ADAMTS6: variants seen among roughly 807,000 people sequenced by gnomAD.
ADAMTS6 encodes ADAM metallopeptidase with thrombospondin type 1 motif 6.
ADAMTS6 carries 23 observed loss-of-function variants against 144.3 expected under a neutral mutation model. That is an observed-to-expected ratio of 0.16 (90% CI 0.11 to 0.23). ADAMTS6 has a LOEUF of 0.23. Ranked by LOEUF, ADAMTS6 falls within the 10% of genes least tolerant of loss-of-function variation. ADAMTS6 has a pLI of 1.00. For synonymous variants in ADAMTS6, 444 were observed against 457.5 expected (o/e 0.97, Z 0.38); for missense variants, 999 against 1,379.6 (o/e 0.72, Z 4.37).
Position 65,210,617 on chromosome 5 carries a change from C to T in ADAMTS6, c.2575+4177G>A, listed in dbSNP as rs1756458097. ...AAAGTTTTTGGCACCCCAAAGGAAG[C>T]TATGGATGGAGGCTTGTCTATCCCT... is the stretch of plus-strand genomic sequence containing the variant. On this transcript the variant is annotated intron_variant, in intron 20 of 24. Transcript: ENST00000381055. 4.9e-6 allele frequency: 3 copies of T among 613,274 alleles called. No homozygotes were observed. In the East Asian group the frequency reaches 1.1e-4, roughly 22 times the overall value. 38.0% of individuals were successfully genotyped at this position (613,274 alleles called of 1,614,324 possible). A position where few individuals can be genotyped will look rare whatever the true frequency, so the allele number is the denominator to read the frequency against.
At chr5:65,337,756 A>C (rs1392241074) in intron 7 of ADAMTS6, among the ~76,000 whole-genome samples, 1 of 152,072 alleles carries the variant, frequency 6.6e-6, no homozygotes, top group African/African-American at 2.4e-5. Context: ...TATTCACTCT[A>C]CATCCCATCA....
chr5:65,441,246 A>G (rs1307887263), intron 7 of ADAMTS6, among the ~76,000 whole-genome samples: 1 of 152,196 alleles, frequency 6.6e-6, no homozygotes, highest in Non-Finnish European at 1.5e-5. Flanking sequence ...TGTAGAAAAA[A>G]GTCACCTTGA....
intron 7 of ADAMTS6, among the ~76,000 whole-genome samples, chr5:65,412,710 A>C (rs930882447): frequency 1.3e-5 from 2 of 152,160 alleles, no homozygotes; most frequent in African/African-American, 4.8e-5. Context: ...GTCAAAAACA[A>C]AATGCTTATG....
At chr5:65,152,600 A>G (rs546893267) in intron 24 of ADAMTS6, among the ~76,000 whole-genome samples, 1 of 152,222 alleles carries the variant, frequency 6.6e-6, no homozygotes, top group African/African-American at 2.4e-5. Context: ...CTTTTTTCCT[A>G]TGTGTATTTT....
At chr5:65,262,730 GT>G in intron 13 of ADAMTS6, 86 bp downstream of exon 13, 2 of 1,396,742 alleles carry the variant, frequency 1.4e-6, no homozygotes, top group South Asian at 1.7e-5. Flanking sequence ...CTAGCGAAAC[GT>G]TTTTACAGAT....
At chr5:65,379,434 A>T (rs1165365848) in intron 7 of ADAMTS6, among the ~76,000 whole-genome samples, 1 of 152,252 alleles carries the variant, frequency 6.6e-6, no homozygotes, top group African/African-American at 2.4e-5. Context: ...CATGAGATGT[A>T]CAGAGTGTCA....
intron 2 of ADAMTS6, among the ~76,000 whole-genome samples, chr5:65,472,319 A>G (rs1472069214): frequency 6.6e-6 from 1 of 152,156 alleles, no homozygotes. Flanking sequence ...TAAGAAGTAT[A>G]GGCTTCTTTT....
At chr5:65,466,923 T>C (rs1173325623) in intron 3 of ADAMTS6, among the ~76,000 whole-genome samples, 1 of 151,570 alleles carries the variant, frequency 6.6e-6, no homozygotes, top group Non-Finnish European at 1.5e-5. Flanking sequence ...GAGCCTGTAG[T>C]CCCAGCTACT....
chr5:65,370,716 C>T (rs1458488806), intron 7 of ADAMTS6, among the ~76,000 whole-genome samples: 1 of 152,186 alleles, frequency 6.6e-6, no homozygotes, highest in Non-Finnish European at 1.5e-5. Flanking sequence ...CCACCATTGC[C>T]CAGGCTTGCT....
chr5:65,250,998 T>C (rs1760110278), intron 14 of ADAMTS6: 1 of 152,222 alleles, frequency 6.6e-6, no homozygotes, highest in Non-Finnish European at 1.5e-5. Flanking sequence ...TCAATTTGTA[T>C]CCTCTTAGAA....
chr5:65,394,817 TAC>T (rs956377507), intron 7 of ADAMTS6, among the ~76,000 whole-genome samples: 1 of 152,190 alleles, frequency 6.6e-6, no homozygotes, highest in African/African-American at 2.4e-5. Context: ...CCTCCAAACT[TAC>T]AGAGTCTTAG....
chr5:65,345,196 C>T (rs564487836), intron 7 of ADAMTS6, among the ~76,000 whole-genome samples: 9 of 151,844 alleles, frequency 5.9e-5, no homozygotes, highest in Non-Finnish European at 1.0e-4. Flanking sequence ...AATCCATTCT[C>T]AATATCCTTA....
At chr5:65,292,841 TCTAA>T (rs538242380) in intron 10 of ADAMTS6, among the ~76,000 whole-genome samples, 2,295 of 152,164 alleles carry the variant, frequency 0.015, 52 homozygotes, top group African/African-American at 0.052. Flanking sequence ...GCTCAAGGTA[TCTAA>T]CTAACTAACT....
chr5:65,238,371 G>T (rs925391298), intron 15 of ADAMTS6, among the ~76,000 whole-genome samples: 2 of 152,120 alleles, frequency 1.3e-5, no homozygotes, highest in African/African-American at 4.8e-5. Context: ...GGGAGGTCGA[G>T]TCATGTGGAT....
At chr5:65,470,093 A>G (rs1760317912) in intron 3 of ADAMTS6, among the ~76,000 whole-genome samples, 2 of 152,024 alleles carry the variant, frequency 1.3e-5, no homozygotes, top group African/African-American at 4.8e-5. Flanking sequence ...TTCTTTCTTA[A>G]AAATATATTT....
intron 24 of ADAMTS6, among the ~76,000 whole-genome samples, chr5:65,156,232 T>A (rs1752407647): frequency 6.6e-6 from 1 of 152,090 alleles, no homozygotes; most frequent in Admixed American, 6.5e-5. Context: ...GCCTCATCCT[T>A]AAAGCCCAGT....
At chr5:65,237,748 T>TA (rs1043550757) in intron 15 of ADAMTS6, among the ~76,000 whole-genome samples, 3 of 152,052 alleles carry the variant, frequency 2.0e-5, no homozygotes, top group Admixed American at 1.3e-4. Flanking sequence ...CAATAACACA[T>TA]AAAAAAATAC....
At chr5:65,359,822 G>A (rs1221955118) in intron 7 of ADAMTS6, among the ~76,000 whole-genome samples, 2 of 152,078 alleles carry the variant, frequency 1.3e-5, no homozygotes, top group East Asian at 3.9e-4. Context: ...TCACAGTAGA[G>A]TTGAATAGTG....
chr5:65,477,218 T>C (rs1200570275), intron 1 of ADAMTS6, among the ~76,000 whole-genome samples: 3 of 152,220 alleles, frequency 2.0e-5, no homozygotes, highest in Admixed American at 6.5e-5. Flanking sequence ...TTTTAATTTT[T>C]TTAGATCACT....
Sources: allele counts gnomAD v4.1 joint callset (sites outside exome capture counted in the v4.1 genomes callset), GRCh38; gene constraint gnomAD v4.1.1; transcripts MANE v1.5; gene names NCBI Gene and HGNC (gene_info 2026-07-23, HGNC 2026-07-21).